Variants in ST6GALNAC3 observed in about 807,000 individuals in gnomAD.
ST6GALNAC3 encodes the protein alpha-N-acetylgalactosaminide alpha-2,6-sialyltransferase 3.
In ST6GALNAC3, 25 loss-of-function variants were observed where a neutral mutation model predicts 32.7. That is an observed-to-expected ratio of 0.76 (90% CI 0.56 to 1.07). The LOEUF (loss-of-function observed/expected upper bound fraction) is 1.07. Among genes scored for constraint, ST6GALNAC3 ranks in the 50% least tolerant of loss-of-function variants. The pLI, the probability that ST6GALNAC3 is intolerant of heterozygous loss-of-function variation, is 0.00. For missense variants in ST6GALNAC3, 355 were observed against 382.4 expected, an observed-to-expected ratio of 0.93 and a Z score of 0.60; for synonymous variants, 129 against 133.1, an observed-to-expected ratio of 0.97 and a Z score of 0.21.
At chr1:76,296,102 C>G (rs79306347) in intron 1 of ST6GALNAC3, among the ~76,000 whole-genome samples, 2,391 of 152,152 alleles carry the variant, frequency 0.016, 70 homozygotes, top group African/African-American at 0.055. Context: ...TGGCAGGTTA[C>G]TATCCTCATG....
At chr1:76,433,044 C>G (rs1435424786) in intron 3 of ST6GALNAC3, among the ~76,000 whole-genome samples, 1 of 152,092 alleles carries the variant, frequency 6.6e-6, no homozygotes, top group East Asian at 1.9e-4. Flanking sequence ...TCTCCTCTTT[C>G]TTTCTGCTAC....
chr1:76,258,246 A>G (rs1470039532), intron 1 of ST6GALNAC3, among the ~76,000 whole-genome samples: 1 of 152,134 alleles, frequency 6.6e-6, no homozygotes, highest in Non-Finnish European at 1.5e-5. Flanking sequence ...TGTTAAGTTT[A>G]ATTTTTTTGA....
intron 3 of ST6GALNAC3, among the ~76,000 whole-genome samples, chr1:76,462,167 T>C (rs925132136): frequency 9.9e-5 from 15 of 152,184 alleles, no homozygotes; most frequent in African/African-American, 3.6e-4. Context: ...GTTGTTTACC[T>C]CTGTATCTTC....
At chr1:76,316,081 T>C (rs1646859294) in intron 2 of ST6GALNAC3, among the ~76,000 whole-genome samples, 1 of 152,054 alleles carries the variant, frequency 6.6e-6, no homozygotes, top group Non-Finnish European at 1.5e-5. Flanking sequence ...GAGATACTAA[T>C]ATACATGAAA....
chr1:76,418,685 T>A (rs999854147), intron 3 of ST6GALNAC3, among the ~76,000 whole-genome samples: 1 of 152,024 alleles, frequency 6.6e-6, no homozygotes, highest in Non-Finnish European at 1.5e-5. Flanking sequence ...CTGACAAACC[T>A]CTGTTAGAAT....
At position 76,273,019 on chromosome 1, in the gene ST6GALNAC3, C is replaced by T. The variant is rs74492194; in HGVS notation, c.19-40786C>T. Among the ~76,000 whole-genome samples the T allele has an allele frequency of 2.6e-3, 399 of 152,134 alleles. 3 individuals are homozygous for T. Among genetic ancestry groups the T allele is most frequent in the African/African-American group, 9.0e-3 (374 of 41,502 alleles). On this transcript the variant is annotated intron_variant, in intron 1 of 4. Transcript: ENST00000328299. Reference sequence around the variant, plus strand: ...ACTGTTCAAAGGGGTCATTCATAGTCGTGCATTTATAAATTTTTTTAAAAA... The same window carrying T: ...ACTGTTCAAAGGGGTCATTCATAGTTGTGCATTTATAAATTTTTTTAAAAA...
chr1:76,201,883 T>G (rs1325130962), intron 1 of ST6GALNAC3, among the ~76,000 whole-genome samples: 1 of 152,106 alleles, frequency 6.6e-6, no homozygotes, highest in African/African-American at 2.4e-5. Context: ...TTATAATTAC[T>G]AAGAACCCCT....
chr1:76,320,000 T>G (rs781281044), intron 2 of ST6GALNAC3, among the ~76,000 whole-genome samples: 3 of 152,184 alleles, frequency 2.0e-5, no homozygotes, highest in Non-Finnish European at 4.4e-5. Context: ...ACTATGTTTC[T>G]CAGTCTGGTT....
intron 3 of ST6GALNAC3, among the ~76,000 whole-genome samples, chr1:76,440,324 C>T (rs2101499440): frequency 6.6e-6 from 1 of 152,328 alleles, no homozygotes; most frequent in East Asian, 1.9e-4. Flanking sequence ...CTAATGTTTA[C>T]ATTTTCGAAA....
chr1:76,151,681 T>C (rs1177032155), intron 1 of ST6GALNAC3, among the ~76,000 whole-genome samples: 1 of 152,202 alleles, frequency 6.6e-6, no homozygotes, highest in Middle Eastern at 3.2e-3. Flanking sequence ...GAGGTTCTGC[T>C]GGCCAGAGAA....
intron 2 of ST6GALNAC3, among the ~76,000 whole-genome samples, chr1:76,362,356 G>A (rs1350160908): frequency 5.3e-5 from 8 of 152,094 alleles, no homozygotes; most frequent in Admixed American, 3.9e-4. Context: ...ATTACAGTTC[G>A]ATGTGAGATT....
chr1:76,602,430 A>G (rs1557616595), intron 3 of ST6GALNAC3, among the ~76,000 whole-genome samples: 1 of 152,128 alleles, frequency 6.6e-6, no homozygotes, highest in Non-Finnish European at 1.5e-5. Context: ...AGGAGGGACC[A>G]GGAAGGGGAA....
chr1:76,596,997 C>T (rs1647147576), intron 3 of ST6GALNAC3, among the ~76,000 whole-genome samples: 1 of 152,112 alleles, frequency 6.6e-6, no homozygotes, highest in African/African-American at 2.4e-5. Context: ...GAGAGATTTA[C>T]TAGCATAAAA....
At chr1:76,588,808 T>A (rs1336822517) in intron 3 of ST6GALNAC3, among the ~76,000 whole-genome samples, 44 of 152,210 alleles carry the variant, frequency 2.9e-4, no homozygotes, top group Admixed American at 2.9e-3. Flanking sequence ...GGTCCCAGCT[T>A]CTGCCAGGCA....
intron 2 of ST6GALNAC3, among the ~76,000 whole-genome samples, chr1:76,363,581 CA>C (rs1213432630): frequency 6.6e-6 from 1 of 152,182 alleles, no homozygotes; most frequent in Non-Finnish European, 1.5e-5. Context: ...ATCTTTATAG[CA>C]ATGCCCCATT....
intron 2 of ST6GALNAC3, among the ~76,000 whole-genome samples, chr1:76,340,251 A>G (rs1181875003): frequency 6.6e-6 from 1 of 152,240 alleles, no homozygotes; most frequent in African/African-American, 2.4e-5. Flanking sequence ...GGAAATAGCT[A>G]TTGGCCTCAG....
At chr1:76,536,024 T>C (rs1455796693) in intron 3 of ST6GALNAC3, among the ~76,000 whole-genome samples, 1 of 152,116 alleles carries the variant, frequency 6.6e-6, no homozygotes, top group African/African-American at 2.4e-5. Flanking sequence ...ACATGCAAAA[T>C]TCAATTTGTG....
At chr1:76,225,078 C>T (rs1344768965) in intron 1 of ST6GALNAC3, among the ~76,000 whole-genome samples, 1 of 151,912 alleles carries the variant, frequency 6.6e-6, no homozygotes, top group East Asian at 1.9e-4. Flanking sequence ...CTTCTGAAGC[C>T]CTCCTTTTTT....
intron 3 of ST6GALNAC3, among the ~76,000 whole-genome samples, chr1:76,469,736 C>T (rs548473779): frequency 2.0e-4 from 31 of 152,108 alleles, no homozygotes; most frequent in Admixed American, 9.8e-4. Context: ...AATGCAACCA[C>T]GGGAATAGTG....
Sources: gnomAD v4.1 joint callset for allele counts (sites outside exome capture counted in the v4.1 genomes callset) on GRCh38, gnomAD v4.1.1 for gene constraint, MANE v1.5 for transcripts, NCBI Gene and HGNC (gene_info 2026-07-23, HGNC 2026-07-21) for gene names.